Variants in CDCP1 observed in about 807,000 individuals in gnomAD.
CDCP1 encodes the protein CUB domain containing protein 1.
Under a neutral mutation model 60.2 loss-of-function variants are expected in CDCP1, and 29 were observed. That is an observed-to-expected ratio of 0.48 (90% CI 0.36 to 0.66). CDCP1 has a LOEUF of 0.66. CDCP1 is among the 30% of genes least tolerant of loss of function. The pLI, the probability that CDCP1 is intolerant of heterozygous loss-of-function variation, is 0.00. For synonymous variants in CDCP1, 387 were observed against 431.1 expected, an observed-to-expected ratio of 0.90 and a Z score of 1.27; for missense variants, 876 against 1,074.3, an observed-to-expected ratio of 0.82 and a Z score of 2.58.
At chr3:45,106,285 G>A (rs1698564136) in intron 4 of CDCP1, among the ~76,000 whole-genome samples, 2 of 152,182 alleles carry the variant, frequency 1.3e-5, no homozygotes, top group Admixed American at 1.3e-4. Flanking sequence ...GCCTCTCACA[G>A]CTTTCTCCAC....
intron 1 of CDCP1, among the ~76,000 whole-genome samples, chr3:45,123,986 C>T (rs1329455184): frequency 2.6e-5 from 4 of 152,164 alleles, no homozygotes; most frequent in African/African-American, 4.8e-5. Context: ...CTGAGTCACA[C>T]ACAGCTCTTT....
intron 2 of CDCP1, among the ~76,000 whole-genome samples, chr3:45,115,476 G>A (rs1459418421): frequency 6.6e-6 from 1 of 152,106 alleles, no homozygotes; most frequent in African/African-American, 2.4e-5. Flanking sequence ...CCTACTATAA[G>A]CTGCATTGTT....
rs560696779 is a variant in CDCP1 at position 45,108,871 on chromosome 3, A to T, written c.1024+1602T>A. The stretch of plus-strand genomic sequence containing the variant: ...TGTATACATATATATGCATGTATAT[A>T]TATATATGCATGTATACATATATAT... On this transcript the variant is annotated intron_variant, in intron 4 of 8. Transcript: ENST00000296129. Among the ~76,000 whole-genome samples the T allele has an allele frequency of 3.6e-4, 24 of 66,020 alleles. 6 individuals carry two copies. Among genetic ancestry groups the T allele is most frequent in the African/African-American group, 1.3e-3 (22 of 16,838 alleles). 43.3% of individuals were successfully genotyped at this position (66,020 alleles called of 152,430 possible).
At chr3:45,090,198 C>A (rs964035814) in intron 7 of CDCP1, among the ~76,000 whole-genome samples, 1 of 152,152 alleles carries the variant, frequency 6.6e-6, no homozygotes, top group Admixed American at 6.5e-5. Context: ...ATCACTCTGA[C>A]CCCCAGAAAG....
At chr3:45,127,407 T>C (rs567878269) in intron 1 of CDCP1, among the ~76,000 whole-genome samples, 1 of 152,218 alleles carries the variant, frequency 6.6e-6, no homozygotes, top group South Asian at 2.1e-4. Flanking sequence ...GTGGCTGAGT[T>C]AGTGGCAAAA....
chr3:45,140,190 T>G (rs1393986262), intron 1 of CDCP1, among the ~76,000 whole-genome samples: 2 of 152,182 alleles, frequency 1.3e-5, no homozygotes, highest in African/African-American at 4.8e-5. Context: ...GCCAAGGAAG[T>G]AGGCAGACCC....
chr3:45,091,202 A>G lies in CDCP1; in HGVS notation c.1964T>C (p.Phe655Ser). The change falls in exon 7 of 9, where the codon TTC becomes TCC. Residue 655 changes from phenylalanine to serine, a missense_variant. By Grantham distance (155) the Phe-to-Ser change is radical. Transcript: ENST00000296129. This position sits in a 1 kb window ranked among gnomAD's most constrained non-coding sequence, Gnocchi z 4.8. The part of the protein sequence containing the change: ...PTSGKQLDLL[F>S]SVTLTPRTVD... ...AGTCCTTGGGGTAAGTGTCACCGAG[A>G]AGAGCAGGTCTAGCTGCTTGCCGCT... is the stretch of plus-strand genomic sequence containing the variant. 6.2e-7 allele frequency: 1 copy of G among 1,613,554 alleles called. No individual in the cohort carries two copies. The highest frequency in any genetic ancestry group is 8.5e-7 in the Non-Finnish European group (1 of 1,179,902).
Position 45,085,305 on chromosome 3 carries a change from G to A in CDCP1, c.*333C>T, listed in dbSNP as rs767782811. 7 of 240,672 alleles carry A rather than the reference G, an allele frequency of 2.9e-5. No homozygotes were observed. The highest frequency in any genetic ancestry group is 4.5e-5 in the African/African-American group (2 of 44,568). The allele number at this position is 240,672 out of a possible 1,614,324, so 14.9% of individuals were successfully genotyped here. A position where few individuals can be genotyped will look rare whatever the true frequency, so the allele number is the denominator to read the frequency against. Reference sequence around the variant, plus strand: ...GGAACTGTTGTCCTGAAGAGGGCAAGCCTCTGTTTAACACTCTGAATCCAG... The same window carrying A: ...GGAACTGTTGTCCTGAAGAGGGCAAACCTCTGTTTAACACTCTGAATCCAG... On this transcript the variant is annotated 3_prime_UTR_variant, in exon 9 of 9. Transcript: ENST00000296129. The surrounding 1 kb of genome is among the most constrained non-coding windows in gnomAD (Gnocchi z 4.2).
In CDCP1 at chr3:45,146,150, C is replaced by T. The variant is rs1409904975; in HGVS notation, c.82+56G>A. 6 of 1,484,762 alleles carry T rather than the reference C, an allele frequency of 4.0e-6. No homozygotes were observed. In the Admixed American group the frequency reaches 1.0e-4, roughly 26 times the overall value. 92.0% of individuals were successfully genotyped at this position (1,484,762 alleles called of 1,614,324 possible). On this transcript the variant is annotated intron_variant, in intron 1 of 8. Transcript: ENST00000296129. ...CTCGGCCGCATCTCCGCCGGGCGTC[C>T]GCTGGCTGGCTAGCTCACCACTCCA...
At chr3:45,127,356 T>G (rs1450614451) in intron 1 of CDCP1, among the ~76,000 whole-genome samples, 1 of 152,176 alleles carries the variant, frequency 6.6e-6, no homozygotes, top group Non-Finnish European at 1.5e-5. Flanking sequence ...CTCCACAGCT[T>G]CATGAGGTCT....
intron 1 of CDCP1, among the ~76,000 whole-genome samples, chr3:45,133,932 T>C (rs1297011747): frequency 1.3e-5 from 2 of 152,076 alleles, no homozygotes; most frequent in African/African-American, 4.8e-5. Context: ...TTACTTCCGA[T>C]ACTTTGGCAG....
chr3:45,140,536 T>G (rs1205252301), intron 1 of CDCP1, among the ~76,000 whole-genome samples: 1 of 152,226 alleles, frequency 6.6e-6, no homozygotes. Flanking sequence ...ATGACCGAGC[T>G]GGGTTCTGGA....
chr3:45,127,888 G>T (rs370866064), intron 1 of CDCP1, among the ~76,000 whole-genome samples: 92 of 152,282 alleles, frequency 6.0e-4, no homozygotes, highest in African/African-American at 2.0e-3. Flanking sequence ...AGGTACAGCC[G>T]TCAGGCCAAG....
Position 45,085,600 on chromosome 3 carries a change from C to A in CDCP1, c.*38G>T. On this transcript the variant is annotated 3_prime_UTR_variant, in exon 9 of 9. Coordinates refer to ENST00000296129, the MANE Select transcript of CDCP1 (RefSeq NM_022842.5). The surrounding 1 kb of genome is among the most constrained non-coding windows in gnomAD (Gnocchi z 4.2). The stretch of plus-strand genomic sequence containing the variant: ...CACGGACGGGTGTCTCAGTGCCCTG[C>A]TTTATGAAACTCAGCAAAGCGTCTG... The A allele has an allele frequency of 6.4e-7, 1 of 1,571,162 alleles. No homozygotes were observed. Among genetic ancestry groups the A allele is most frequent in the Non-Finnish European group, 8.7e-7 (1 of 1,154,608 alleles).
At position 45,146,294 on chromosome 3, in the gene CDCP1, G is replaced by A; in HGVS notation, c.-7C>T. On this transcript the variant is annotated 5_prime_UTR_variant, in exon 1 of 9. Coordinates refer to ENST00000296129, the MANE Select transcript of CDCP1 (RefSeq NM_022842.5). ...CGCAGTTCAGGCCGGCCATGACTCC[G>A]GGACGCCTCGGCCTCGGTGGGGAAA... 1 of 1,565,132 alleles carries A rather than the reference G, an allele frequency of 6.4e-7. No homozygotes were observed. The highest frequency in any genetic ancestry group is 8.6e-7 in the Non-Finnish European group (1 of 1,159,916).
At chr3:45,135,090 C>T (rs1699170935) in intron 1 of CDCP1, among the ~76,000 whole-genome samples, 2 of 152,122 alleles carry the variant, frequency 1.3e-5, no homozygotes, top group Admixed American at 1.3e-4. Context: ...AATGAAGTTA[C>T]AAGAACAAGG....
intron 1 of CDCP1, among the ~76,000 whole-genome samples, chr3:45,141,266 G>C (rs1699285709): frequency 6.6e-6 from 1 of 151,984 alleles, no homozygotes; most frequent in South Asian, 2.1e-4. Flanking sequence ...AACAAAGGGA[G>C]GTGCCCTACA....
intron 1 of CDCP1, among the ~76,000 whole-genome samples, chr3:45,127,512 G>A (rs1431905654): frequency 6.6e-6 from 1 of 152,218 alleles, no homozygotes; most frequent in Non-Finnish European, 1.5e-5. Flanking sequence ...CTGGCCTGCA[G>A]GACTCACTTC....
chr3:45,118,646 T>A (rs1576105097), intron 1 of CDCP1, 25 bp from the exon 2 acceptor site: 1 of 1,599,178 alleles, frequency 6.3e-7, no homozygotes, highest in Non-Finnish European at 8.6e-7. Flanking sequence ...GAAAATGAAG[T>A]AAGCAGGATG....
Sources: allele counts gnomAD v4.1 joint callset (sites outside exome capture counted in the v4.1 genomes callset), GRCh38; gene constraint gnomAD v4.1.1; non-coding constraint Gnocchi (gnomAD v3.1); transcripts MANE v1.5; gene names NCBI Gene and HGNC (gene_info 2026-07-23, HGNC 2026-07-21).